The following STARD13 variants were observed in gnomAD, a reference collection of about 807,000 sequenced individuals.
STARD13 encodes StAR related lipid transfer domain containing 13.
STARD13 carries 62 observed loss-of-function variants against 106.4 expected under a neutral mutation model. That is an observed-to-expected ratio of 0.58 (90% CI 0.48 to 0.72). The LOEUF is 0.72. Among genes scored for constraint, STARD13 ranks in the 30% least tolerant of loss-of-function variants. The probability of loss-of-function intolerance (pLI) is 0.00; values close to 1 mark genes in which losing one functional copy is unlikely to be tolerated. For missense variants in STARD13, 1,387 were observed against 1,424.0 expected (o/e 0.97, Z 0.42); for synonymous variants, 565 against 553.0 (o/e 1.02, Z -0.31).
At chr13:33,499,360 A>G in the STARD13 span, among the ~76,000 whole-genome samples, 1 of 152,164 alleles carries the variant, frequency 6.6e-6, no homozygotes, top group Non-Finnish European at 1.5e-5. Context: ...ATAGTTTCAG[A>G]GGCTAGAAGT....
chr13:33,452,542 T>C, the STARD13 span, among the ~76,000 whole-genome samples: 1 of 152,182 alleles, frequency 6.6e-6, no homozygotes, highest in South Asian at 2.1e-4. Context: ...TTCTCTATTT[T>C]CCTTAAGACA....
At chr13:33,153,592 C>T (rs1256913999) in intron 3 of STARD13, among the ~76,000 whole-genome samples, 1 of 152,192 alleles carries the variant, frequency 6.6e-6, no homozygotes, top group Non-Finnish European at 1.5e-5. Flanking sequence ...CCTGGAGAGA[C>T]ACCCAGCGGC....
chr13:33,579,702 CA>C, the STARD13 span, among the ~76,000 whole-genome samples: 6 of 149,408 alleles, frequency 4.0e-5, no homozygotes, highest in East Asian at 1.9e-4. Context: ...ACAAAATATA[CA>C]AAAAAAACTC....
intron 1 of STARD13, among the ~76,000 whole-genome samples, chr13:33,186,398 T>C (rs1038562232): frequency 6.6e-6 from 1 of 152,216 alleles, no homozygotes; most frequent in African/African-American, 2.4e-5. Context: ...AACAGTGCGA[T>C]TTCTATCATA....
chr13:33,127,854 T>C (rs976715808), intron 5 of STARD13, among the ~76,000 whole-genome samples: 1 of 128,660 alleles, frequency 7.8e-6, no homozygotes, highest in African/African-American at 2.7e-5. Flanking sequence ...AGACAGTGTG[T>C]GTGTGAGTGA....
intron 11 of STARD13, among the ~76,000 whole-genome samples, chr13:33,110,381 G>C (rs1312703721): frequency 1.3e-5 from 2 of 152,170 alleles, no homozygotes; most frequent in Non-Finnish European, 2.9e-5. Flanking sequence ...TCCGACAGTG[G>C]TACTCTTACA....
intron 1 of STARD13, among the ~76,000 whole-genome samples, chr13:33,292,677 C>T (rs1479260110): frequency 6.6e-6 from 1 of 151,680 alleles, no homozygotes; most frequent in Non-Finnish European, 1.5e-5. Context: ...TAACTGTATC[C>T]TTCACAAATT....
chr13:33,292,048 A>G (rs1892313075), intron 1 of STARD13, among the ~76,000 whole-genome samples: 1 of 152,158 alleles, frequency 6.6e-6, no homozygotes, highest in Admixed American at 6.5e-5. Flanking sequence ...CAATATTATA[A>G]AAGTAAAAAA....
the STARD13 span, among the ~76,000 whole-genome samples, chr13:33,668,145 A>G: frequency 6.6e-6 from 1 of 152,242 alleles, no homozygotes; most frequent in Non-Finnish European, 1.5e-5. Context: ...TTCGGGGATC[A>G]TTCATTGCTC....
At chr13:33,345,815 G>A (rs187648275), downstream of STARD13, among the ~76,000 whole-genome samples, 12 of 151,664 alleles carry the variant, frequency 7.9e-5, no homozygotes, top group East Asian at 1.4e-3. Context: ...TGTGACCTAC[G>A]TTAAGAAATG....
chr13:33,308,520 C>CTTTTTTTTTTTTTTTTTTTTTT (rs552526416), intron 1 of STARD13, among the ~76,000 whole-genome samples: 21 of 88,588 alleles, frequency 2.4e-4, no homozygotes, highest in South Asian at 4.8e-4. Flanking sequence ...CTTTTTCTTT[C>CTTTTTTTTTTTTTTTTTTTTTT]TTTTTTTTTT....
intron 1 of STARD13, chr13:33,185,995 C>G (rs906194000): frequency 6.2e-7 from 1 of 1,614,068 alleles, no homozygotes; most frequent in Non-Finnish European, 8.5e-7. Context: ...TTAACGTTTG[C>G]ATGGAGAACT....
intron 1 of STARD13, among the ~76,000 whole-genome samples, chr13:33,170,077 A>G (rs1245894093): frequency 6.6e-6 from 1 of 152,072 alleles, no homozygotes; most frequent in African/African-American, 2.4e-5. Context: ...AATGAATAAG[A>G]CCTACTATTT....
rs186653846 is a variant in STARD13 at position 33,170,341 on chromosome 13, T to G, written c.170-2719A>C. On this transcript the variant is annotated intron_variant, in intron 1 of 13. Coordinates refer to ENST00000336934, the MANE Select transcript of STARD13 (RefSeq NM_178006.4). ...TAAAAATTTTGAAAACAACACTCCT[T>G]TTGGAACTTAAAATTCTGGTTGGAC... Among the ~76,000 whole-genome samples the G allele has an allele frequency of 3.9e-5, 6 of 152,274 alleles. No homozygotes were observed. In the East Asian group the frequency reaches 1.2e-3, roughly 29 times the overall value.
At chr13:33,370,962 A>T in the STARD13 span, among the ~76,000 whole-genome samples, 19 of 151,600 alleles carry the variant, frequency 1.3e-4, no homozygotes, top group African/African-American at 4.6e-4. Context: ...AATAATTTCA[A>T]AGAAATAGTT....
At chr13:33,480,058 C>T in the STARD13 span, among the ~76,000 whole-genome samples, 4 of 152,050 alleles carry the variant, frequency 2.6e-5, no homozygotes, top group African/African-American at 7.2e-5. Flanking sequence ...ATGAAAAGAT[C>T]AAGAGAGGGA....
the STARD13 span, among the ~76,000 whole-genome samples, chr13:33,438,057 G>C: frequency 3.9e-5 from 6 of 152,180 alleles, no homozygotes; most frequent in Non-Finnish European, 5.9e-5. Context: ...TAATTTGTTA[G>C]AAAAGTACTT....
intron 1 of STARD13, among the ~76,000 whole-genome samples, chr13:33,181,965 C>T (rs1428013533): frequency 6.6e-6 from 1 of 152,176 alleles, no homozygotes; most frequent in Non-Finnish European, 1.5e-5. Context: ...TCATCTTAAC[C>T]TGACTGAGGC....
intron 1 of STARD13, among the ~76,000 whole-genome samples, chr13:33,244,695 TA>T (rs1889734761): frequency 6.6e-6 from 1 of 152,014 alleles, no homozygotes; most frequent in African/African-American, 2.4e-5. Context: ...AGACCACATG[TA>T]GAGAAAGGCC....
Sources: allele counts gnomAD v4.1 joint callset (sites outside exome capture counted in the v4.1 genomes callset), GRCh38; gene constraint gnomAD v4.1.1; transcripts MANE v1.5; gene names NCBI Gene and HGNC (gene_info 2026-07-23, HGNC 2026-07-21).